VAPB: variants seen among roughly 807,000 people sequenced by gnomAD.
The protein encoded by VAPB is vesicle-associated membrane protein-associated protein B/C.
VAPB carries 7 observed loss-of-function variants against 25.6 expected under a neutral mutation model. The ratio of observed to expected loss-of-function variants is 0.27; its 90% confidence interval spans 0.16 to 0.51. VAPB has a LOEUF of 0.51. Among genes scored for constraint, VAPB ranks in the 20% least tolerant of loss-of-function variants. The pLI is 0.97. For synonymous variants in VAPB, 112 were observed against 109.2 expected (o/e 1.03, Z -0.16); for missense variants, 266 against 301.3 (o/e 0.88, Z 0.87).
chr20:58,403,691 C>G (rs904481514), intron 1 of VAPB, among the ~76,000 whole-genome samples: 1 of 152,142 alleles, frequency 6.6e-6, no homozygotes, highest in Non-Finnish European at 1.5e-5. Flanking sequence ...TTAATAATGC[C>G]TTCATCTTCC....
intron 1 of VAPB, among the ~76,000 whole-genome samples, chr20:58,392,591 A>T (rs551633977): frequency 6.6e-6 from 1 of 152,244 alleles, no homozygotes; most frequent in Non-Finnish European, 1.5e-5. Flanking sequence ...AGGATGAGAA[A>T]TGGCACATTT....
At chr20:58,393,813 A>G (rs201634342) in intron 1 of VAPB, among the ~76,000 whole-genome samples, 1 of 151,736 alleles carries the variant, frequency 6.6e-6, no homozygotes, top group East Asian at 1.9e-4. Flanking sequence ...GCTCACCGCA[A>G]CCTCCGCCTC....
At chr20:58,411,441 C>T (rs949977689) in intron 1 of VAPB, among the ~76,000 whole-genome samples, 2 of 152,172 alleles carry the variant, frequency 1.3e-5, no homozygotes, top group African/African-American at 4.8e-5. Flanking sequence ...GCCACCACAC[C>T]TGGCTACTTT....
At chr20:58,424,626 T>G (rs1988746908) in intron 2 of VAPB, among the ~76,000 whole-genome samples, 1 of 152,232 alleles carries the variant, frequency 6.6e-6, no homozygotes, top group Admixed American at 6.5e-5. Context: ...GTATGTTGGA[T>G]TTTTGAAAAA....
chr20:58,436,991 A>ATTTTTT (rs1989061716), intron 3 of VAPB, among the ~76,000 whole-genome samples: 2 of 85,408 alleles, frequency 2.3e-5, no homozygotes, highest in African/African-American at 4.7e-5. Flanking sequence ...CAAACTTTGA[A>ATTTTTT]CTTTTTTTTT....
chr20:58,436,432 C>G (rs1989048324), intron 3 of VAPB, among the ~76,000 whole-genome samples: 2 of 147,064 alleles, frequency 1.4e-5, no homozygotes, highest in African/African-American at 5.0e-5. Flanking sequence ...CTCCTGGGCT[C>G]AAGTGATCCT....
At chr20:58,430,225 AT>A (rs1988897454) in intron 2 of VAPB, among the ~76,000 whole-genome samples, 1 of 148,888 alleles carries the variant, frequency 6.7e-6, no homozygotes, top group African/African-American at 2.5e-5. Flanking sequence ...GATACTTGAC[AT>A]TTTTTCATTT....
chr20:58,396,259 A>C (rs940175833), intron 1 of VAPB, among the ~76,000 whole-genome samples: 9 of 152,106 alleles, frequency 5.9e-5, no homozygotes, highest in Non-Finnish European at 1.2e-4. Context: ...TGATGTCTTC[A>C]CGCTTTTGGG....
At chr20:58,399,670 T>C (rs1194826469) in intron 1 of VAPB, among the ~76,000 whole-genome samples, 1 of 150,690 alleles carries the variant, frequency 6.6e-6, no homozygotes, top group Admixed American at 6.6e-5. Context: ...CTAGCTGAGA[T>C]TGTGCCTCTG....
intron 1 of VAPB, among the ~76,000 whole-genome samples, chr20:58,412,949 T>A (rs1162893254): frequency 1.3e-5 from 2 of 152,118 alleles, no homozygotes; most frequent in East Asian, 3.8e-4. Context: ...TATTCAGCCA[T>A]TTTTTTATGA....
chr20:58,442,365 T>G (rs537819665), intron 5 of VAPB, among the ~76,000 whole-genome samples: 1 of 152,370 alleles, frequency 6.6e-6, no homozygotes, highest in African/African-American at 2.4e-5. Context: ...AGTGTATTTC[T>G]CTTCTGAAAC....
chr20:58,443,978 C>G (rs1340575695), intron 5 of VAPB, 99 bp from the exon 6 acceptor site: 1 of 1,567,632 alleles, frequency 6.4e-7, no homozygotes, highest in Non-Finnish European at 8.8e-7. Context: ...ATCATGTCAT[C>G]CAACACTGGG....
chr20:58,397,840 A>G (rs1015363125), intron 1 of VAPB, among the ~76,000 whole-genome samples: 2 of 152,208 alleles, frequency 1.3e-5, no homozygotes, highest in Admixed American at 6.6e-5. Context: ...CAATTGTTCA[A>G]AGAGGTAAAC....
At chr20:58,423,925 C>T (rs953968189) in intron 2 of VAPB, among the ~76,000 whole-genome samples, 1 of 152,152 alleles carries the variant, frequency 6.6e-6, no homozygotes, top group African/African-American at 2.4e-5. Flanking sequence ...AAGAAAATTA[C>T]CAACAAAAAT....
chr20:58,417,676 T>A (rs1357460834), intron 1 of VAPB, among the ~76,000 whole-genome samples: 1 of 152,226 alleles, frequency 6.6e-6, no homozygotes, highest in African/African-American at 2.4e-5. Context: ...TGAGAGTTAC[T>A]GTGTTTATAG....
intron 1 of VAPB, among the ~76,000 whole-genome samples, chr20:58,411,076 A>G (rs548389875): frequency 4.3e-4 from 65 of 152,302 alleles, no homozygotes; most frequent in African/African-American, 1.4e-3. Context: ...TATGGTAAGA[A>G]TATGTTTAGT....
At position 58,448,650 on chromosome 20, in the gene VAPB, GC is replaced by G. The variant is rs1363439008; in HGVS notation, c.*4418del. 1 of 454,028 alleles carries G rather than the reference GC, an allele frequency of 2.2e-6. No homozygotes were observed. Among genetic ancestry groups the G allele is most frequent in the Admixed American group, 2.3e-5 (1 of 42,568 alleles). 28.1% of individuals were successfully genotyped at this position (454,028 alleles called of 1,614,324 possible). A position where few individuals can be genotyped will look rare whatever the true frequency, so the allele number is the denominator to read the frequency against. On this transcript the variant is annotated 3_prime_UTR_variant, in exon 6 of 6. Coordinates refer to ENST00000475243, the MANE Select transcript of VAPB (RefSeq NM_004738.5). ...GAGGCCTTCCTGCCTCAGCTACTCT[GC>G]CCGTCTGTACATCTTTTGTGTCTGC...
chr20:58,444,809 G>A lies in VAPB; in HGVS notation c.*574G>A, dbSNP rs1203824252. 1.1e-5 allele frequency: 5 copies of A among 454,480 alleles called. No individual in the cohort carries two copies. The highest frequency in any genetic ancestry group is 2.0e-5 in the African/African-American group (1 of 50,020). The allele number at this position is 454,480 out of a possible 1,614,324, so 28.2% of individuals were successfully genotyped here. ...CATCAGACGTACTCGTCATAAGTGA[G>A]AGGCGTGTGTTGACTGATTGACCCA... is the stretch of plus-strand genomic sequence containing the variant. On this transcript the variant is annotated 3_prime_UTR_variant, in exon 6 of 6. Coordinates refer to ENST00000475243, the MANE Select transcript of VAPB (RefSeq NM_004738.5).
rs1033939636 is a variant in VAPB, at chr20:58,389,278, C to G, written c.-182C>G. The stretch of plus-strand genomic sequence containing the variant: ...CGCGGCCTCGCCCTCGCCCTCCGCC[C>G]CTGCGCCTGCACCGCGTAGACCGAC... On this transcript the variant is annotated 5_prime_UTR_variant, in exon 1 of 6. Transcript: ENST00000475243. 2.8e-6 allele frequency: 2 copies of G among 712,748 alleles called. No individual in the cohort carries two copies. The highest frequency in any genetic ancestry group is 1.8e-5 in the African/African-American group (1 of 55,058). The allele number at this position is 712,748 out of a possible 1,614,324, so 44.2% of individuals were successfully genotyped here. A position where few individuals can be genotyped will look rare whatever the true frequency, so the allele number is the denominator to read the frequency against.
Sources: gnomAD v4.1 joint callset for allele counts (sites outside exome capture counted in the v4.1 genomes callset) on GRCh38, gnomAD v4.1.1 for gene constraint, MANE v1.5 for transcripts, NCBI Gene and HGNC (gene_info 2026-07-23, HGNC 2026-07-21) for gene names.